FANCB: variants seen among roughly 807,000 people sequenced by gnomAD.
FANCB encodes Fanconi anemia group B protein.
Under a neutral mutation model 38.9 loss-of-function variants are expected in FANCB, and 5 were observed. The observed-to-expected ratio is 0.13, with a 90% confidence interval of 0.07 to 0.27. The LOEUF is 0.27. Among genes scored for constraint, FANCB ranks in the 10% least tolerant of loss-of-function variants. The pLI is 1.00. For synonymous variants in FANCB, 236 were observed against 215.4 expected (o/e 1.10, Z -0.84); for missense variants, 573 against 602.7 (o/e 0.95, Z 0.52).
chrX:14,871,102 T>C (rs1489131512), intron 1 of FANCB, among the ~76,000 whole-genome samples: 1 of 111,153 alleles, frequency 9.0e-6, no homozygotes, highest in Non-Finnish European at 1.9e-5. Flanking sequence ...CATTATCTAA[T>C]ATGCCTGAAA....
chrX:14,736,956 A>G, the FANCB span, among the ~76,000 whole-genome samples: 1 of 111,225 alleles, frequency 9.0e-6, no homozygotes, highest in Non-Finnish European at 1.9e-5. Flanking sequence ...ACAGATCAAG[A>G]CCATCCTGGC....
chrX:14,709,681 T>C, the FANCB span, among the ~76,000 whole-genome samples: 3 of 112,058 alleles, frequency 2.7e-5, no homozygotes, highest in Middle Eastern at 4.7e-3. Context: ...TAAGCCAGAA[T>C]AATGGAGCAT....
At chrX:14,811,040 C>T in the FANCB span, among the ~76,000 whole-genome samples, 8 of 111,346 alleles carry the variant, frequency 7.2e-5, no homozygotes, top group South Asian at 3.8e-4. Context: ...GAATTTTCAA[C>T]CCAGAATTTC....
chrX:14,802,638 G>A, the FANCB span, among the ~76,000 whole-genome samples: 1 of 111,653 alleles, frequency 9.0e-6, no homozygotes, highest in African/African-American at 3.3e-5. Context: ...GGGGACCTAA[G>A]GAAAGTGCAG....
chrX:14,841,688 G>A (rs547599535), downstream of FANCB, among the ~76,000 whole-genome samples: 5 of 111,679 alleles, frequency 4.5e-5, no homozygotes, highest in Non-Finnish European at 9.4e-5. Context: ...TTTTTGAGGG[G>A]AGTCTCAGAG....
the FANCB span, among the ~76,000 whole-genome samples, chrX:14,792,458 C>T: frequency 9.1e-6 from 1 of 110,086 alleles, no homozygotes; most frequent in South Asian, 3.9e-4. Flanking sequence ...ACCCTGCTGG[C>T]CAAGTGGAAG....
the FANCB span, among the ~76,000 whole-genome samples, chrX:14,768,765 T>A: frequency 9.0e-6 from 1 of 111,622 alleles, no homozygotes; most frequent in African/African-American, 3.2e-5. Flanking sequence ...GCTTCCAGAT[T>A]TTGCCCATTC....
the FANCB span, among the ~76,000 whole-genome samples, chrX:14,799,480 C>G: frequency 0.027 from 3,061 of 111,774 alleles, 99 homozygotes; most frequent in African/African-American, 0.094. Context: ...CTGACTGATA[C>G]AGATCTTGGT....
Position 14,843,630 on chromosome X carries a change from A to G in FANCB, c.2517T>C (p.Thr839=), listed in dbSNP as rs760440816. ...KVSGALYREI[T]LKVAEVQLKS... Reference sequence around the variant, plus strand: ...TCAACTGAACCTCAGCTACTTTCAAAGTTATTTCTCTGTAAAGGGCACCAC... The same window carrying G: ...TCAACTGAACCTCAGCTACTTTCAAGGTTATTTCTCTGTAAAGGGCACCAC... The change falls in exon 10 of 10, where the codon ACT becomes ACC. Residue 839 remains threonine, a synonymous_variant. Transcript: ENST00000650831. 5.6e-5 allele frequency: 67 copies of G among 1,206,178 alleles called. No homozygotes were observed. Among genetic ancestry groups the G allele is most frequent in the Non-Finnish European group, 7.2e-5 (64 of 893,103 alleles).
chrX:14,857,841 A>G lies in FANCB; in HGVS notation c.1197+21T>C, dbSNP rs183707390. 870 of 1,045,737 alleles carry G rather than the reference A, an allele frequency of 8.3e-4. 5 individuals carry two copies. The African/African-American group carries it at 0.011, about 13-fold the overall frequency. 86.2% of individuals were successfully genotyped at this position (1,045,737 alleles called of 1,213,427 possible). A position where few individuals can be genotyped will look rare whatever the true frequency, so the allele number is the denominator to read the frequency against. ...TAGAATAACACTAATCGAAAAGCAAAAGAAGCAAACAGACACTAACTTTCA... is the reference window on the plus strand; with the variant it reads ...TAGAATAACACTAATCGAAAAGCAAGAGAAGCAAACAGACACTAACTTTCA... On this transcript the variant is annotated intron_variant, in intron 5 of 9. Transcript: ENST00000650831.
the FANCB span, among the ~76,000 whole-genome samples, chrX:14,707,469 G>A: frequency 3.6e-5 from 4 of 110,984 alleles, no homozygotes; most frequent in African/African-American, 1.3e-4. Flanking sequence ...CCTGCTTTTT[G>A]ACATGAGAAT....
the FANCB span, among the ~76,000 whole-genome samples, chrX:14,734,311 A>G: frequency 8.9e-6 from 1 of 112,242 alleles, no homozygotes; most frequent in Non-Finnish European, 1.9e-5. Context: ...GAAGCCACCA[A>G]TTAACTTATA....
the FANCB span, among the ~76,000 whole-genome samples, chrX:14,748,213 C>T: frequency 4.5e-5 from 5 of 112,188 alleles, no homozygotes; most frequent in South Asian, 1.9e-3. Context: ...GTGAATGGCC[C>T]TACAGAGAGG....
chrX:14,698,681 CAAAAA>C, the FANCB span, among the ~76,000 whole-genome samples: 13 of 21,136 alleles, frequency 6.2e-4, no homozygotes, highest in African/African-American at 5.5e-4. Context: ...CTATCTATCT[CAAAAA>C]AAAAAAAAAA....
At chrX:14,796,613 TA>T in the FANCB span, among the ~76,000 whole-genome samples, 1 of 95,519 alleles carries the variant, frequency 1.0e-5, no homozygotes, top group Non-Finnish European at 2.0e-5. Flanking sequence ...ATATGTTACA[TA>T]ATATATATTA....
the FANCB span, among the ~76,000 whole-genome samples, chrX:14,811,389 A>C: frequency 9.0e-5 from 10 of 111,663 alleles, no homozygotes; most frequent in Non-Finnish European, 1.9e-5. Context: ...ATAAAGAGTC[A>C]AGACCCATCA....
chrX:14,736,403 T>C, the FANCB span, among the ~76,000 whole-genome samples: 1 of 112,068 alleles, frequency 8.9e-6, no homozygotes, highest in Non-Finnish European at 1.9e-5. Flanking sequence ...CTGTGGGTTG[T>C]GAAGACCATG....
chrX:14,826,756 T>C, the FANCB span, among the ~76,000 whole-genome samples: 1 of 112,519 alleles, frequency 8.9e-6, no homozygotes. Flanking sequence ...ACTTATGTTG[T>C]TGTTTTTTAA....
intron 5 of FANCB, among the ~76,000 whole-genome samples, chrX:14,857,182 G>A (rs1206052056): frequency 8.9e-6 from 1 of 112,111 alleles, no homozygotes; most frequent in Non-Finnish European, 1.9e-5. Context: ...GATAATCACT[G>A]TATTCCTGGA....
Sources: allele counts gnomAD v4.1 joint callset (sites outside exome capture counted in the v4.1 genomes callset), GRCh38; gene constraint gnomAD v4.1.1; transcripts MANE v1.5; gene names NCBI Gene and HGNC (gene_info 2026-07-23, HGNC 2026-07-21).